Variants in NOD1 observed in about 807,000 individuals in gnomAD.
NOD1 encodes nucleotide binding oligomerization domain containing 1.
In NOD1, 70 loss-of-function variants were observed where a neutral mutation model predicts 81.2. That is an observed-to-expected ratio of 0.86 (90% CI 0.71 to 1.05). NOD1 has a LOEUF of 1.05. NOD1 is among the 50% of genes least tolerant of loss of function. The pLI is 0.00. For synonymous variants in NOD1, 508 were observed against 526.9 expected, an observed-to-expected ratio of 0.96 and a Z score of 0.49; for missense variants, 1,233 against 1,228.0, an observed-to-expected ratio of 1.00 and a Z score of -0.06.
intron 11 of NOD1, among the ~76,000 whole-genome samples, chr7:30,433,835 C>A (rs1784158138): frequency 6.6e-6 from 1 of 152,116 alleles, no homozygotes; most frequent in Non-Finnish European, 1.5e-5. Context: ...CCTTGAAGGG[C>A]AGTTTGGATG....
chr7:30,431,118 C>A (rs1230079177), intron 12 of NOD1, among the ~76,000 whole-genome samples: 1 of 152,218 alleles, frequency 6.6e-6, no homozygotes, highest in Non-Finnish European at 1.5e-5. Context: ...GGGCTGCCTT[C>A]ACTAGGGCCA....
chr7:30,455,558 GGACA>G (rs780803252), intron 4 of NOD1, among the ~76,000 whole-genome samples: 23 of 151,188 alleles, frequency 1.5e-4, no homozygotes, highest in Admixed American at 1.2e-3. Context: ...AAAATAAAAA[GGACA>G]GACAAATAGC....
chr7:30,461,859 C>T (rs1486917862), intron 1 of NOD1, among the ~76,000 whole-genome samples: 1 of 152,232 alleles, frequency 6.6e-6, no homozygotes, highest in African/African-American at 2.4e-5. Context: ...CTGCCTCAGC[C>T]TCCCAAGTAG....
rs1783314233 is a variant in NOD1 at position 30,424,808 on chromosome 7, C to CTA, written c.*828_*829dup. 6.6e-6 allele frequency: 1 copy of CTA among 152,272 alleles called. No homozygotes were observed. Among genetic ancestry groups the CTA allele is most frequent in the Non-Finnish European group, 1.5e-5 (1 of 68,116 alleles). The allele number at this position is 152,272 out of a possible 1,614,324, so 9.4% of individuals were successfully genotyped here. A position where few individuals can be genotyped will look rare whatever the true frequency, so the allele number is the denominator to read the frequency against. ...CAGGGCCACAGGGGCAAGCCATGCC[C>CTA]TATTTCTTTGGAGGGACAGAATCAC... On this transcript the variant is annotated 3_prime_UTR_variant, in exon 14 of 14. Coordinates refer to ENST00000222823, the MANE Select transcript of NOD1 (RefSeq NM_006092.4).
chr7:30,465,369 C>A (rs1334058735), intron 1 of NOD1, among the ~76,000 whole-genome samples: 1 of 143,424 alleles, frequency 7.0e-6, no homozygotes, highest in African/African-American at 2.5e-5. Context: ...CCCCCATGAA[C>A]ATAGCCTCAG....
chr7:30,476,500 C>A (rs1197048141), intron 1 of NOD1, among the ~76,000 whole-genome samples: 1 of 152,132 alleles, frequency 6.6e-6, no homozygotes. Context: ...GTCCCTAGGC[C>A]AAGAGTCAGG....
At chr7:30,436,575 C>A (rs1430015823) in intron 10 of NOD1, among the ~76,000 whole-genome samples, 1 of 152,244 alleles carries the variant, frequency 6.6e-6, no homozygotes, top group Non-Finnish European at 1.5e-5. Flanking sequence ...GTAGGTGCAT[C>A]CCCATTTATA....
At chr7:30,469,323 T>A in intron 1 of NOD1, 1 of 829,576 alleles carries the variant, frequency 1.2e-6, no homozygotes, top group Non-Finnish European at 1.5e-6. Flanking sequence ...TGAAAGCACT[T>A]AATCCCTCAG....
chr7:30,446,084 C>A, intron 9 of NOD1, 57 bp downstream of exon 9: 3 of 1,321,012 alleles, frequency 2.3e-6, no homozygotes, highest in South Asian at 1.2e-5. Context: ...AACAGCAAGG[C>A]CCGCCCCCCA....
At chr7:30,445,267 A>G (rs1784917912) in intron 9 of NOD1, among the ~76,000 whole-genome samples, 1 of 128,876 alleles carries the variant, frequency 7.8e-6, no homozygotes, top group African/African-American at 3.7e-5. Flanking sequence ...ATAATAAAAA[A>G]AAAAAGAATC....
At chr7:30,475,169 T>A (rs1185460278) in intron 1 of NOD1, among the ~76,000 whole-genome samples, 4 of 152,264 alleles carry the variant, frequency 2.6e-5, no homozygotes, top group Admixed American at 6.5e-5. Context: ...TGCTATCATG[T>A]AAGGCGTTTC....
intron 13 of NOD1, among the ~76,000 whole-genome samples, chr7:30,427,770 T>C (rs73687866): frequency 0.018 from 2,779 of 152,282 alleles, 87 homozygotes; most frequent in African/African-American, 0.062. Flanking sequence ...ATTTTGAAAC[T>C]TGACAGAATT....
rs140903538 is a variant in NOD1 at position 30,451,531 on chromosome 7, C to T, written c.1886G>A (p.Arg629Gln). 5.6e-6 allele frequency: 9 copies of T among 1,612,886 alleles called. No individual in the cohort carries two copies. The highest frequency in any genetic ancestry group is 1.6e-4 in the Middle Eastern group (1 of 6,084). The change falls in exon 6 of 14, where the codon CGG (arginine) becomes CAG (glutamine). Residue 629 changes from arginine to glutamine, a missense_variant. By Grantham distance (43) the Arg-to-Gln change is conservative. Coordinates refer to ENST00000222823, the MANE Select transcript of NOD1 (RefSeq NM_006092.4). The surrounding 1 kb of genome is among the most constrained non-coding windows in gnomAD (Gnocchi z 4.2). ...GCGGGGCAGGCTCTTCAGGTAGCCC[C>T]GCAGGCTGGAAAACAGGTGTGCCCA... is the stretch of plus-strand genomic sequence containing the variant. The part of the protein sequence containing the change: ...ALWAHLFSSL[R>Q]GYLKSLPRVQ...
chr7:30,473,295 C>G (rs969054224), intron 1 of NOD1, among the ~76,000 whole-genome samples: 2 of 152,138 alleles, frequency 1.3e-5, no homozygotes, highest in Non-Finnish European at 2.9e-5. Flanking sequence ...TAAGGAATGT[C>G]AGAAAAGGTG....
chr7:30,452,344 C>T lies in NOD1; in HGVS notation c.1073G>A (p.Arg358His), dbSNP rs778257277. 1.4e-5 allele frequency: 23 copies of T among 1,613,264 alleles called. No homozygotes were observed. Among genetic ancestry groups the T allele is most frequent in the Admixed American group, 1.2e-4 (7 of 59,998 alleles). ...LLRGFSPSHL[R>H]AYARRMFPER... is the part of the protein sequence containing the mutation. The stretch of plus-strand genomic sequence containing the variant: ...GGGGAACATCCTCCTGGCATAGGCG[C>T]GCAGGTGGCTGGGGGAGAAGCCCCG... Residue 358 changes from arginine (R) to histidine (H), a missense_variant, in exon 6 of 14, where the codon CGC becomes CAC. Physicochemically the swap from Arg to His is conservative, Grantham distance 29. Transcript: ENST00000222823.
intron 3 of NOD1, among the ~76,000 whole-genome samples, chr7:30,458,468 T>G (rs1264361712): frequency 1.3e-5 from 2 of 152,220 alleles, no homozygotes; most frequent in African/African-American, 4.8e-5. Flanking sequence ...CTGTTAACAT[T>G]CAGGTCCAGT....
intron 4 of NOD1, among the ~76,000 whole-genome samples, chr7:30,456,429 A>C (rs2128068337): frequency 6.6e-6 from 1 of 152,246 alleles, no homozygotes; most frequent in East Asian, 1.9e-4. Flanking sequence ...TCTTATGCTT[A>C]TGTTCTTTTT....
chr7:30,454,584 G>A (rs528169375), intron 5 of NOD1, among the ~76,000 whole-genome samples: 6 of 152,268 alleles, frequency 3.9e-5, no homozygotes, highest in South Asian at 2.1e-4. Flanking sequence ...GGCACTCAAC[G>A]GTGACAGAAT....
In NOD1 at chr7:30,451,363, CAGT is replaced by C. The variant is rs1785685368; in HGVS notation, c.2051_2053del (p.Tyr684del). Reference sequence around the variant, plus strand: ...GCTGCAGTCGGCCGAGCAGGCGTTGCAGTAGGTCAGCTTGAGGTAGTTGGCGCA... The same window carrying C: ...GCTGCAGTCGGCCGAGCAGGCGTTGCAGGTCAGCTTGAGGTAGTTGGCGCA... On this transcript the variant is annotated inframe_deletion, in exon 6 of 14. Coordinates refer to ENST00000222823, the MANE Select transcript of NOD1 (RefSeq NM_006092.4). The surrounding 1 kb of genome is among the most constrained non-coding windows in gnomAD (Gnocchi z 4.2). The C allele has an allele frequency of 1.2e-6, 2 of 1,614,090 alleles. No individual in the cohort carries two copies. The highest frequency in any genetic ancestry group is 2.7e-5 in the African/African-American group (2 of 74,942).
Sources: allele counts gnomAD v4.1 joint callset (sites outside exome capture counted in the v4.1 genomes callset), GRCh38; gene constraint gnomAD v4.1.1; non-coding constraint Gnocchi (gnomAD v3.1); transcripts MANE v1.5; gene names NCBI Gene and HGNC (gene_info 2026-07-23, HGNC 2026-07-21).